The following GSDMA variants were observed in gnomAD, a reference collection of about 807,000 sequenced individuals.
The protein encoded by GSDMA is gasdermin A, also known as gasdermin-A.
In GSDMA, 55 loss-of-function variants were observed where a neutral mutation model predicts 54.3. The ratio of observed to expected loss-of-function variants is 1.01; its 90% CI spans 0.82 to 1.27. The LOEUF (loss-of-function observed/expected upper bound fraction) is 1.27, where lower values mean the gene tolerates loss of function less well. Among genes scored for constraint, GSDMA ranks in the 50% most tolerant of loss-of-function variants. GSDMA has a pLI of 0.00. For synonymous variants in GSDMA, 211 were observed against 224.7 expected (o/e 0.94, Z 0.54); for missense variants, 542 against 542.6 (o/e 1.00, Z 0.01).
In GSDMA at chr17:39,974,425, G is replaced by A. The variant is rs369568940; in HGVS notation, c.904G>A (p.Ala302Thr). 2.3e-4 allele frequency: 355 copies of A among 1,576,354 alleles called. 4 individuals carry two copies. The South Asian group carries it at 3.0e-3, about 13-fold the overall frequency. Residue 302 changes from alanine to threonine, a missense_variant and splice_region_variant, in exon 9 of 12, where the codon GCA becomes ACA. Transcript: ENST00000301659. ...KKKELQDLELALEGALDKGHE... is the reference protein window; with the variant it reads ...KKKELQDLELTLEGALDKGHE... The stretch of plus-strand genomic sequence containing the variant: ...AAAGGAGCTACAAGACCTTGAGCTC[G>A]CAGTGAGGACCTAGTGGAAGTGGGG...
At position 39,973,818 on chromosome 17, in the gene GSDMA, G is replaced by T; in HGVS notation, c.739G>T (p.Ala247Ser). Residue 247 changes from alanine (A) to serine (S), a missense_variant, in exon 8 of 12, where the codon GCA becomes TCA. Transcript: ENST00000301659. Reference sequence around the variant, plus strand: ...TTTCCTTTTTTTCTCAGTTATCCAGGCATCTGATGTTGGTAAGGAACTTTG... The same window carrying T: ...TTTCCTTTTTTTCTCAGTTATCCAGTCATCTGATGTTGGTAAGGAACTTTG... ...SGEEKVILIQ[A>S]SDVGDVHEGF... 1 of 1,612,496 alleles carries T rather than the reference G, an allele frequency of 6.2e-7. No individual in the cohort carries two copies.
intron 11 of GSDMA, 96 bp downstream of exon 11, chr17:39,976,093 T>G (rs1980187917): frequency 1.2e-6 from 1 of 813,628 alleles, no homozygotes; most frequent in African/African-American, 1.7e-5. Flanking sequence ...TTCTGGAGGA[T>G]CCCTGTCTTA....
chr17:39,966,578 CA>C, intron 3 of GSDMA, 141 bp downstream of exon 3: 1 of 727,470 alleles, frequency 1.4e-6, no homozygotes, highest in Non-Finnish European at 2.1e-6. Flanking sequence ...CTCTTGGAGG[CA>C]ACCCTTCTGG....
chr17:39,975,076 A>T (rs1435524502), intron 10 of GSDMA, 62 bp downstream of exon 10: 1 of 864,402 alleles, frequency 1.2e-6, no homozygotes, highest in Non-Finnish European at 1.9e-6. Context: ...AATCACTTGA[A>T]TCAATTCCCA....
At chr17:39,969,624 G>C (rs1199402286) in intron 3 of GSDMA, among the ~76,000 whole-genome samples, 2 of 152,116 alleles carry the variant, frequency 1.3e-5, no homozygotes, top group African/African-American at 4.8e-5. Flanking sequence ...GTTAGGCGAG[G>C]TCATTGAGAC....
rs542802190 is a variant in GSDMA, at chr17:39,969,857, C to CA, written c.393-614dup. Among the ~76,000 whole-genome samples, 67 of 114,188 alleles carry CA rather than the reference C, an allele frequency of 5.9e-4. No homozygotes were observed. In the Middle Eastern group the frequency reaches 0.013, roughly 22 times the overall value. The allele number at this position is 114,188 out of a possible 152,430, so 74.9% of individuals were successfully genotyped here. A position where few individuals can be genotyped will look rare whatever the true frequency, so the allele number is the denominator to read the frequency against. ...TGACAGAGTGAGTGAGACTCCGTCT[C>CA]AAAAAAAAAAAGAATTTTTTTGATA... On this transcript the variant is annotated intron_variant, in intron 3 of 11. Transcript: ENST00000301659.
At chr17:39,971,393 A>G in intron 4 of GSDMA, 131 bp from the exon 5 acceptor site, 1 of 651,958 alleles carries the variant, frequency 1.5e-6, no homozygotes, top group Non-Finnish European at 2.7e-6. Context: ...CAGGGACACC[A>G]CTGAAGGCTT....
intron 8 of GSDMA, 35 bp downstream of exon 8, chr17:39,973,865 G>A (rs761748279): frequency 1.3e-6 from 2 of 1,598,796 alleles, no homozygotes; most frequent in South Asian, 1.1e-5. Context: ...CAAGACTTTG[G>A]CATGGAGGTA....
In GSDMA at chr17:39,973,929, T is replaced by C. The variant is rs929155308; in HGVS notation, c.751+99T>C. 3 of 1,156,090 alleles carry C rather than the reference T, an allele frequency of 2.6e-6. No individual in the cohort carries two copies. In the African/African-American group the frequency reaches 4.6e-5, roughly 18 times the overall value. The allele number at this position is 1,156,090 out of a possible 1,614,324, so 71.6% of individuals were successfully genotyped here. The stretch of plus-strand genomic sequence containing the variant: ...AAGTCATTCTTTGTCAGCTAACTCA[T>C]GGGAAGGGAAAACAGACTTTCTTTC... On this transcript the variant is annotated intron_variant, in intron 8 of 11. Transcript: ENST00000301659.
At position 39,977,024 on chromosome 17, in the gene GSDMA, T is replaced by C; in HGVS notation, c.1304T>C (p.Leu435Pro). 6.2e-7 allele frequency: 1 copy of C among 1,613,904 alleles called. No individual in the cohort carries two copies. The highest frequency in any genetic ancestry group is 8.5e-7 in the Non-Finnish European group (1 of 1,179,876). The stretch of plus-strand genomic sequence containing the variant: ...CGCCTCTGTGCTCTTTATGCAGGCC[T>C]CTCTCTCCTTCAGCAGCTTACCAAG... ...LPRLCALYAG[L>P]SLLQQLTKAS Residue 435 changes from leucine (L) to proline (P), a missense_variant, in exon 12 of 12, where the codon CTC becomes CCC. By Grantham distance (98) the Leu-to-Pro change is moderately conservative. Transcript: ENST00000301659.
At chr17:39,974,139 G>A (rs1439986105) in intron 8 of GSDMA, 134 bp from the exon 9 acceptor site, 1 of 965,194 alleles carries the variant, frequency 1.0e-6, no homozygotes, top group Non-Finnish European at 1.5e-6. Flanking sequence ...AAAGAAAAAT[G>A]GGGCCAGGCT....
At chr17:39,966,811 T>C (rs766376346) in intron 3 of GSDMA, among the ~76,000 whole-genome samples, 2 of 152,316 alleles carry the variant, frequency 1.3e-5, no homozygotes, top group East Asian at 3.9e-4. Flanking sequence ...TCTAAGACTA[T>C]GCAATACACT....
intron 4 of GSDMA, 46 bp from the exon 5 acceptor site, chr17:39,971,478 A>T: frequency 6.7e-7 from 1 of 1,483,624 alleles, no homozygotes; most frequent in Non-Finnish European, 9.4e-7. Context: ...AATATCTCAT[A>T]CTTAAGATGT....
chr17:39,966,456 G>A lies in GSDMA; in HGVS notation c.392+19G>A, dbSNP rs368751228. ...AGGAGAGGTGAGAGTGGGCGGGACTGAGGGTCTCCCGGGATGTGGGTGGGG... is the reference window on the plus strand; with the variant it reads ...AGGAGAGGTGAGAGTGGGCGGGACTAAGGGTCTCCCGGGATGTGGGTGGGG... On this transcript the variant is annotated intron_variant, in intron 3 of 11. Transcript: ENST00000301659. 1.3e-5 allele frequency: 21 copies of A among 1,573,096 alleles called. No individual in the cohort carries two copies. Among genetic ancestry groups the A allele is most frequent in the African/African-American group, 4.1e-5 (3 of 72,856 alleles).
At chr17:39,970,760 C>A in intron 4 of GSDMA, 113 bp downstream of exon 4, 1 of 1,035,232 alleles carries the variant, frequency 9.7e-7, no homozygotes, top group Non-Finnish European at 1.2e-6. Flanking sequence ...GCCTGATCAG[C>A]GCCCACCGAG....
intron 9 of GSDMA, 23 bp downstream of exon 9, chr17:39,974,450 G>T (rs1477854520): frequency 1.3e-6 from 2 of 1,545,816 alleles, no homozygotes; most frequent in Non-Finnish European, 1.7e-6. Context: ...TGGAAGTGGG[G>T]AAGGGTGGGA....
At chr17:39,973,788 T>C in intron 7 of GSDMA, 22 bp from the exon 8 acceptor site, 2 of 1,606,324 alleles carry the variant, frequency 1.2e-6, no homozygotes, top group Admixed American at 1.7e-5. Context: ...TTCTTATCTT[T>C]TTTTTTTCCT....
intron 3 of GSDMA, among the ~76,000 whole-genome samples, chr17:39,969,342 C>A: frequency 2.7e-5 from 3 of 110,976 alleles, no homozygotes; most frequent in Admixed American, 1.0e-4. Flanking sequence ...AGAGTGGGAC[C>A]TTAAAAAAAA....
At chr17:39,969,092 A>AGT (rs1979809636) in intron 3 of GSDMA, among the ~76,000 whole-genome samples, 1 of 152,018 alleles carries the variant, frequency 6.6e-6, no homozygotes, top group Admixed American at 6.6e-5. Flanking sequence ...GAGGAGTCTC[A>AGT]CTCCCGTAAG....
Sources: allele counts gnomAD v4.1 joint callset (sites outside exome capture counted in the v4.1 genomes callset), GRCh38; gene constraint gnomAD v4.1.1; transcripts MANE v1.5; gene names NCBI Gene and HGNC (gene_info 2026-07-23, HGNC 2026-07-21).